Variants in PREPL observed in about 807,000 individuals in gnomAD.
PREPL encodes prolyl endopeptidase like.
Under a neutral mutation model 70.6 loss-of-function variants are expected in PREPL, and 77 were observed. The ratio of observed to expected loss-of-function variants is 1.09; its 90% CI spans 0.91 to 1.32. The LOEUF (loss-of-function observed/expected upper bound fraction) is 1.32. Among genes scored for constraint, PREPL ranks in the 40% most tolerant of loss-of-function variants. The probability of loss-of-function intolerance (pLI) is 0.00; values close to 1 mark genes in which losing one functional copy is unlikely to be tolerated. For missense variants in PREPL, 1,002 were observed against 778.2 expected (o/e 1.29, Z -3.42); for synonymous variants, 315 against 264.8 (o/e 1.19, Z -1.84).
intron 1 of PREPL, among the ~76,000 whole-genome samples, chr2:44,352,887 A>G (rs1015887396): frequency 4.7e-4 from 72 of 152,332 alleles, no homozygotes; most frequent in Middle Eastern, 3.4e-3. Context: ...CAGACAATTA[A>G]AAGAAGGTCA....
intron 1 of PREPL, 31 bp downstream of exon 1, chr2:44,361,349 G>A (rs1214427081): frequency 1.3e-5 from 2 of 152,368 alleles, no homozygotes; most frequent in Non-Finnish European, 2.9e-5. Context: ...AAGGGGAGAA[G>A]GAAAGAGACC....
chr2:44,330,138 G>C (rs939768973), intron 8 of PREPL, among the ~76,000 whole-genome samples: 13 of 152,166 alleles, frequency 8.5e-5, no homozygotes, highest in Admixed American at 8.5e-4. Flanking sequence ...ACTTGATGTA[G>C]ATTAATTTCT....
rs769175221 is a variant in PREPL, at chr2:44,322,780, A to G, written c.1704T>C (p.Thr568=). The G allele has an allele frequency of 1.2e-6, 2 of 1,613,954 alleles. No individual in the cohort carries two copies. The highest frequency in any genetic ancestry group is 1.1e-5 in the South Asian group (1 of 91,088). ...CCGCGATGGCTTCCTTGAGTTTCTC[A>G]GTATAACTTACAATTCCTTTCAGAG... ...RVPLKGIVSY[T]EKLKEAIAEH... The change falls in exon 12 of 14, where the codon ACT becomes ACC. Residue 568 remains threonine (T), a synonymous_variant. Transcript: ENST00000409411.
chr2:44,341,481 G>A (rs1255110019), intron 5 of PREPL, among the ~76,000 whole-genome samples: 3 of 151,692 alleles, frequency 2.0e-5, no homozygotes, highest in Admixed American at 6.6e-5. Context: ...CACTTTCTTC[G>A]CTGTTTTTAT....
At chr2:44,355,435 G>C (rs964399672) in intron 1 of PREPL, among the ~76,000 whole-genome samples, 10 of 152,150 alleles carry the variant, frequency 6.6e-5, no homozygotes. Context: ...TGTAATTCCA[G>C]TTACTCAGGA....
Position 44,329,062 on chromosome 2 carries a change from G to C in PREPL, c.1137C>G (p.Asp379Glu), listed in dbSNP as rs748665153. 6.2e-7 allele frequency: 1 copy of C among 1,611,274 alleles called. No individual in the cohort carries two copies. Among genetic ancestry groups the C allele is most frequent in the Non-Finnish European group, 8.5e-7 (1 of 1,177,668 alleles). ...MTVFHKTDSE[D>E]LQKKPLLVHV... ...GTACCAAGAGAGGTTTCTTCTGCAA[G>C]TCCTCAGAGTCAGTTTTGTGGAAAA... The change falls in exon 9 of 14, where the codon GAC (aspartate) becomes GAG (glutamate). Residue 379 changes from aspartate (D) to glutamate (E), a missense_variant. Transcript: ENST00000409411.
intron 1 of PREPL, among the ~76,000 whole-genome samples, chr2:44,359,070 T>A (rs956932262): frequency 6.9e-4 from 98 of 142,032 alleles, no homozygotes; most frequent in Non-Finnish European, 1.1e-3. Flanking sequence ...GTATACACTT[T>A]TTTTTTTTTT....
rs140571415 is a variant in PREPL at position 44,332,478 on chromosome 2, C to A, written c.1067G>T (p.Arg356Leu). The A allele has an allele frequency of 3.1e-6, 5 of 1,613,906 alleles. No individual in the cohort carries two copies. In the Admixed American group the frequency reaches 5.0e-5, roughly 16 times the overall value. Residue 356 changes from arginine to leucine, a missense_variant, in exon 8 of 14, where the codon CGT becomes CTT. By Grantham distance (102) the Arg-to-Leu change is moderately radical. Transcript: ENST00000409411. ...DPITKTSRVL[R>L]LEAKSKDGKL... ...ACCTACCTTGCTTTTGGCTTCTAGA[C>A]GTAAAACGCGACTAGTCTTTGTGAT... is the stretch of plus-strand genomic sequence containing the variant.
At chr2:44,336,554 G>T (rs1212785077) in intron 7 of PREPL, among the ~76,000 whole-genome samples, 3 of 152,086 alleles carry the variant, frequency 2.0e-5, no homozygotes, top group African/African-American at 4.8e-5. Context: ...AGGAGGGTGA[G>T]GATTGAAAAA....
chr2:44,329,192 G>A (rs969491629), intron 8 of PREPL, 80 bp from the exon 9 acceptor site: 18 of 1,206,936 alleles, frequency 1.5e-5, no homozygotes, highest in Non-Finnish European at 1.9e-5. Flanking sequence ...ATACATTGAG[G>A]TGCACTGTCC....
chr2:44,324,901 A>T (rs1213788322), intron 10 of PREPL, among the ~76,000 whole-genome samples: 1 of 152,148 alleles, frequency 6.6e-6, no homozygotes, highest in African/African-American at 2.4e-5. Context: ...AAAACAAAAC[A>T]AAACAAAACA....
intron 1 of PREPL, chr2:44,359,944 T>C (rs559233099): frequency 1.6e-5 from 8 of 493,254 alleles, no homozygotes; most frequent in Non-Finnish European, 2.9e-5. Context: ...CAAATCATAA[T>C]TCTTGGCAGA....
intron 1 of PREPL, among the ~76,000 whole-genome samples, chr2:44,348,583 C>T (rs1386170623): frequency 1.3e-5 from 2 of 152,154 alleles, no homozygotes; most frequent in Non-Finnish European, 2.9e-5. Context: ...AACACAGAGC[C>T]AAAAGCAACA....
intron 1 of PREPL, among the ~76,000 whole-genome samples, chr2:44,353,146 A>G (rs954259454): frequency 9.9e-5 from 15 of 152,204 alleles, no homozygotes; most frequent in African/African-American, 3.4e-4. Flanking sequence ...TACCTGTACT[A>G]CAAGATATTA....
At chr2:44,349,208 T>G (rs961763680) in intron 1 of PREPL, among the ~76,000 whole-genome samples, 2 of 152,122 alleles carry the variant, frequency 1.3e-5, no homozygotes, top group Non-Finnish European at 1.5e-5. Flanking sequence ...AATGGTGAAG[T>G]AGAAAGACAC....
intron 1 of PREPL, among the ~76,000 whole-genome samples, chr2:44,349,140 G>A (rs902529490): frequency 1.3e-5 from 2 of 152,162 alleles, no homozygotes; most frequent in Non-Finnish European, 2.9e-5. Context: ...AAAATAGAAG[G>A]AGAATGATAT....
upstream of PREPL, chr2:44,361,790 G>A: frequency 1.2e-6 from 1 of 825,002 alleles, no homozygotes. Context: ...CACTCAAGAT[G>A]GCTACCAGCA....
chr2:44,334,861 G>A (rs1674473069), intron 7 of PREPL, among the ~76,000 whole-genome samples: 1 of 152,136 alleles, frequency 6.6e-6, no homozygotes, highest in Non-Finnish European at 1.5e-5. Context: ...ATTACAGGCT[G>A]AGATTGAATT....
At chr2:44,333,147 C>T (rs536635553) in intron 7 of PREPL, among the ~76,000 whole-genome samples, 82 of 152,316 alleles carry the variant, frequency 5.4e-4, no homozygotes, top group African/African-American at 1.5e-3. Context: ...GGGCTATAAA[C>T]GGGCTCAGCA....
Sources: allele counts gnomAD v4.1 joint callset (sites outside exome capture counted in the v4.1 genomes callset), GRCh38; gene constraint gnomAD v4.1.1; transcripts MANE v1.5; gene names NCBI Gene and HGNC (gene_info 2026-07-23, HGNC 2026-07-21).